DPYD: variants seen among roughly 807,000 people sequenced by gnomAD.
DPYD encodes dihydropyrimidine dehydrogenase.
In DPYD, 109 loss-of-function variants were observed where a neutral mutation model predicts 116.2. The observed-to-expected ratio is 0.94, with a 90% CI of 0.80 to 1.10. The LOEUF (loss-of-function observed/expected upper bound fraction) is 1.10. Ranked by LOEUF, DPYD falls within the 50% of genes least tolerant of loss-of-function variation. The pLI is 0.00. For synonymous variants in DPYD, 440 were observed against 432.0 expected (o/e 1.02, Z -0.23); for missense variants, 1,302 against 1,254.5 (o/e 1.04, Z -0.57).
intron 14 of DPYD, among the ~76,000 whole-genome samples, chr1:97,419,657 T>C (rs1346913796): frequency 6.6e-6 from 1 of 152,186 alleles, no homozygotes; most frequent in East Asian, 1.9e-4. Flanking sequence ...TGTATCTTTA[T>C]AAAAATATAT....
At chr1:97,226,966 G>A (rs890243168) in intron 19 of DPYD, among the ~76,000 whole-genome samples, 1 of 152,082 alleles carries the variant, frequency 6.6e-6, no homozygotes, top group African/African-American at 2.4e-5. Context: ...GAAATAAACA[G>A]TGCCACGGAG....
intron 3 of DPYD, among the ~76,000 whole-genome samples, chr1:97,776,770 T>C (rs900628359): frequency 1.3e-5 from 2 of 152,150 alleles, no homozygotes; most frequent in African/African-American, 4.8e-5. Context: ...GCAGTCTACG[T>C]TTTGGAGCAC....
At chr1:97,456,367 A>T (rs1181511295) in intron 13 of DPYD, among the ~76,000 whole-genome samples, 2 of 152,048 alleles carry the variant, frequency 1.3e-5, no homozygotes, top group African/African-American at 4.8e-5. Context: ...TACCTCAGCT[A>T]GGAATCATTC....
At chr1:97,733,412 T>A (rs576381494) in intron 4 of DPYD, among the ~76,000 whole-genome samples, 1 of 151,994 alleles carries the variant, frequency 6.6e-6, no homozygotes, top group Non-Finnish European at 1.5e-5. Context: ...CTAAATTACA[T>A]CCTCCCCTTT....
intron 20 of DPYD, among the ~76,000 whole-genome samples, chr1:97,147,876 G>T (rs984329343): frequency 9.9e-5 from 15 of 152,120 alleles, no homozygotes; most frequent in African/African-American, 3.6e-4. Flanking sequence ...TGCAATATTG[G>T]TTTATACAAC....
chr1:97,125,481 T>C (rs1652768228), intron 20 of DPYD, among the ~76,000 whole-genome samples: 1 of 152,138 alleles, frequency 6.6e-6, no homozygotes, highest in African/African-American at 2.4e-5. Flanking sequence ...CTAGTACTTA[T>C]AATTATTGTA....
intron 20 of DPYD, among the ~76,000 whole-genome samples, chr1:97,169,519 T>C (rs1341839418): frequency 6.9e-6 from 1 of 144,974 alleles, no homozygotes; most frequent in African/African-American, 2.6e-5. Context: ...ATATATTGGG[T>C]TAATTTTTAT....
intron 3 of DPYD, among the ~76,000 whole-genome samples, chr1:97,782,068 T>C (rs1666776709): frequency 1.3e-5 from 2 of 152,156 alleles, no homozygotes; most frequent in African/African-American, 4.8e-5. Flanking sequence ...TGGAAGGTAT[T>C]AGTACAAGGT....
At chr1:97,134,331 A>G (rs1323578577) in intron 20 of DPYD, among the ~76,000 whole-genome samples, 1 of 152,012 alleles carries the variant, frequency 6.6e-6, no homozygotes, top group Non-Finnish European at 1.5e-5. Flanking sequence ...AAATGATCAG[A>G]TTAAAATAAG....
At chr1:97,089,385 G>T (rs1023410799) in intron 21 of DPYD, among the ~76,000 whole-genome samples, 5 of 152,160 alleles carry the variant, frequency 3.3e-5, no homozygotes, top group Non-Finnish European at 5.9e-5. Flanking sequence ...TGTGCACACT[G>T]TCACTTCAGT....
chr1:97,689,128 A>C (rs1201249353), intron 7 of DPYD, among the ~76,000 whole-genome samples: 3 of 151,652 alleles, frequency 2.0e-5, no homozygotes, highest in African/African-American at 7.3e-5. Context: ...ATAATGTACA[A>C]ATAACAAACA....
chr1:97,293,621 C>A (rs964020827), intron 18 of DPYD, among the ~76,000 whole-genome samples: 8 of 152,110 alleles, frequency 5.3e-5, no homozygotes, highest in African/African-American at 1.9e-4. Context: ...AGCTCAACAG[C>A]AAAATCAAGA....
At chr1:97,613,747 A>ACAAT (rs1656093745) in intron 8 of DPYD, among the ~76,000 whole-genome samples, 1 of 152,096 alleles carries the variant, frequency 6.6e-6, no homozygotes, top group Non-Finnish European at 1.5e-5. Flanking sequence ...TAAATAGACA[A>ACAAT]CAATGGGTAT....
intron 13 of DPYD, among the ~76,000 whole-genome samples, chr1:97,474,449 A>AT (rs1332724893): frequency 1.3e-5 from 2 of 152,058 alleles, no homozygotes; most frequent in Non-Finnish European, 2.9e-5. Flanking sequence ...AATGTCTTTA[A>AT]TAATGTTTAA....
intron 20 of DPYD, among the ~76,000 whole-genome samples, chr1:97,125,880 T>C (rs12042544): frequency 1.3e-5 from 2 of 151,978 alleles, no homozygotes; most frequent in African/African-American, 4.8e-5. Context: ...TATTTTGACA[T>C]AGCAGTCTAA....
In DPYD at chr1:97,193,108, T is replaced by C; in HGVS notation, c.2583A>G (p.Lys861=). ...CAGCTATACGTGGAACTGGTTTCCC[T>C]TTCTGGTGACTCACAGTAGCTGGAC... ...GQSPATVSHQ[K]GKPVPRIAEL... Residue 861 remains lysine, a synonymous_variant, in exon 20 of 23, where the codon AAA becomes AAG. Coordinates refer to ENST00000370192, the MANE Select transcript of DPYD (RefSeq NM_000110.4). The C allele has an allele frequency of 6.2e-7, 1 of 1,614,072 alleles. No homozygotes were observed. Among genetic ancestry groups the C allele is most frequent in the Non-Finnish European group, 8.5e-7 (1 of 1,179,962 alleles).
intron 21 of DPYD, among the ~76,000 whole-genome samples, chr1:97,098,287 T>C (rs1045155986): frequency 6.6e-6 from 1 of 152,142 alleles, no homozygotes. Context: ...GCCAGTGTTC[T>C]AAAAAGTATA....
chr1:97,602,191 T>C (rs1488719071), intron 8 of DPYD, among the ~76,000 whole-genome samples: 1 of 152,024 alleles, frequency 6.6e-6, no homozygotes, highest in Non-Finnish European at 1.5e-5. Context: ...TCTCTTTGTA[T>C]TTAATGTATA....
At chr1:97,410,035 C>A (rs1673889943) in intron 14 of DPYD, among the ~76,000 whole-genome samples, 1 of 151,442 alleles carries the variant, frequency 6.6e-6, no homozygotes, top group Non-Finnish European at 1.5e-5. Context: ...CACTGCACTC[C>A]AGCCTGGGTG....
Sources: allele counts gnomAD v4.1 joint callset (sites outside exome capture counted in the v4.1 genomes callset), GRCh38; gene constraint gnomAD v4.1.1; transcripts MANE v1.5; gene names NCBI Gene and HGNC (gene_info 2026-07-23, HGNC 2026-07-21).